Variants in ZNF582 observed in about 807,000 individuals in gnomAD.
The protein encoded by ZNF582 is zinc finger protein 582.
A neutral mutation model predicts 12.3 loss-of-function variants in ZNF582; 14 were observed. The observed-to-expected ratio is 1.14, with a 90% CI of 0.75 to 1.78. The LOEUF (loss-of-function observed/expected upper bound fraction) is 1.78, where lower values mean the gene tolerates loss of function less well. ZNF582 is among the 40% of genes most tolerant of loss of function. The pLI is 0.00. For missense variants in ZNF582, 567 were observed against 616.5 expected (o/e 0.92, Z 0.85); for synonymous variants, 210 against 207.2 (o/e 1.01, Z -0.11).
intron 1 of ZNF582, 100 bp downstream of exon 1, chr19:56,393,120 A>C: frequency 9.5e-7 from 1 of 1,050,546 alleles, no homozygotes; most frequent in Non-Finnish European, 1.3e-6. Context: ...AACCTCATGA[A>C]ACAAGATTTC....
chr19:56,383,752 A>G, exon 5 of ZNF582: 6 of 1,299,520 alleles, frequency 4.6e-6, no homozygotes, highest in Non-Finnish European at 6.1e-6. Context: ...CTTTGATATG[A>G]ATTTTCAGAC....
chr19:56,389,905 A>C, intron 4 of ZNF582, 96 bp downstream of exon 4: 7 of 928,272 alleles, frequency 7.5e-6, no homozygotes, highest in South Asian at 4.5e-5. Context: ...CTTTGAAGGT[A>C]GCAACCTGCA....
exon 5 of ZNF582, chr19:56,383,095 T>G (rs189339436): frequency 3.3e-5 from 5 of 152,306 alleles, no homozygotes; most frequent in Admixed American, 2.6e-4. Flanking sequence ...GCATCTGATA[T>G]TCTCAGAGTC....
exon 5 of ZNF582, chr19:56,384,560 T>A: frequency 1.2e-6 from 2 of 1,614,216 alleles, no homozygotes; most frequent in Non-Finnish European, 1.7e-6. Context: ...GCCACATTCC[T>A]TACACTGATA....
chr19:56,388,679 C>A (rs551064316), intron 4 of ZNF582, among the ~76,000 whole-genome samples: 1 of 152,130 alleles, frequency 6.6e-6, no homozygotes, highest in African/African-American at 2.4e-5. Flanking sequence ...GTTGCCCCAG[C>A]TGGAGCGCAG....
chr19:56,392,108 G>C (rs1391517596), intron 1 of ZNF582, among the ~76,000 whole-genome samples: 1 of 152,206 alleles, frequency 6.6e-6, no homozygotes, highest in Admixed American at 6.5e-5. Context: ...GGCTGTTCTA[G>C]TGACTGAGAC....
intron 4 of ZNF582, 95 bp from the exon 5 acceptor site, chr19:56,385,279 T>C: frequency 1.6e-6 from 2 of 1,273,594 alleles, no homozygotes; most frequent in Non-Finnish European, 2.1e-6. Flanking sequence ...CAATGCCTAT[T>C]AACTCTTGAA....
exon 5 of ZNF582, chr19:56,384,474 C>G: frequency 6.2e-7 from 1 of 1,604,238 alleles, no homozygotes. Context: ...TTCCCACATT[C>G]CTTGCATGCA....
intron 4 of ZNF582, chr19:56,388,264 A>C (rs1167361635): frequency 6.6e-6 from 1 of 152,374 alleles, no homozygotes; most frequent in African/African-American, 2.4e-5. Context: ...TTACAGGATA[A>C]AACAAGATTT....
At position 56,390,615 on chromosome 19, in the gene ZNF582, G is replaced by A; in HGVS notation, c.10-114C>T. 3 of 1,098,316 alleles carry A rather than the reference G, an allele frequency of 2.7e-6. No individual in the cohort carries two copies. The East Asian group carries it at 7.3e-5, about 27-fold the overall frequency. 68.0% of individuals were successfully genotyped at this position (1,098,316 alleles called of 1,614,324 possible). A position where few individuals can be genotyped will look rare whatever the true frequency, so the allele number is the denominator to read the frequency against. On this transcript the variant is annotated intron_variant, in intron 2 of 4. Transcript: ENST00000586929. Reference sequence around the variant, plus strand: ...GGTTGTTTTGTTGAACAAGAAGGGTGGGACTGAATGTGAAAGGTGACAGAA... The same window carrying A: ...GGTTGTTTTGTTGAACAAGAAGGGTAGGACTGAATGTGAAAGGTGACAGAA...
exon 5 of ZNF582, chr19:56,385,183 T>A (rs2041955481): frequency 1.3e-6 from 2 of 1,565,774 alleles, no homozygotes; most frequent in South Asian, 2.4e-5. Context: ...TGGACTCCAA[T>A]ACTAAGAATG....
At chr19:56,393,382 G>C (rs1315999157) in exon 1 of ZNF582, 1 of 731,956 alleles carries the variant, frequency 1.4e-6, no homozygotes, top group African/African-American at 1.8e-5. Context: ...AGACCCAACC[G>C]GCCCGGGCAC....
intron 4 of ZNF582, 106 bp from the exon 5 acceptor site, chr19:56,385,290 T>C: frequency 4.3e-6 from 5 of 1,158,180 alleles, no homozygotes; most frequent in Admixed American, 3.0e-5. Flanking sequence ...AACTCTTGAA[T>C]GTAGCTAAGC....
chr19:56,385,219 T>C, intron 4 of ZNF582, 35 bp from the exon 5 acceptor site: 1 of 1,492,978 alleles, frequency 6.7e-7, no homozygotes. Flanking sequence ...GTTTGGCTTC[T>C]TTTTTTTTCC....
At chr19:56,393,246 G>A in exon 1 of ZNF582, 1 of 1,250,972 alleles carries the variant, frequency 8.0e-7, no homozygotes, top group South Asian at 1.3e-5. Flanking sequence ...CCTGGGCTAT[G>A]AGGCTGGAAG....
rs912304445 is a variant in ZNF582, at chr19:56,385,272, T to G, written c.233-88A>C. Reference sequence around the variant, plus strand: ...TAAGAACTGGAGGGTTTAGACTCAATGCCTATTAACTCTTGAATGTAGCTA... The same window carrying G: ...TAAGAACTGGAGGGTTTAGACTCAAGGCCTATTAACTCTTGAATGTAGCTA... On this transcript the variant is annotated intron_variant, in intron 4 of 4. Coordinates refer to ENST00000586929, the Ensembl canonical transcript of ZNF582. 5 of 1,341,042 alleles carry G rather than the reference T, an allele frequency of 3.7e-6. No homozygotes were observed. In the African/African-American group the frequency reaches 7.3e-5, roughly 20 times the overall value. The allele number at this position is 1,341,042 out of a possible 1,614,324, so 83.1% of individuals were successfully genotyped here. A position where few individuals can be genotyped will look rare whatever the true frequency, so the allele number is the denominator to read the frequency against.
At chr19:56,391,806 G>C in exon 2 of ZNF582, 1 of 1,614,150 alleles carries the variant, frequency 6.2e-7, no homozygotes, top group Non-Finnish European at 8.5e-7. Context: ...CTCTCTTGGG[G>C]AAGGGCAGAG....
exon 5 of ZNF582, chr19:56,383,282 G>A (rs1382305401): frequency 6.6e-6 from 1 of 152,228 alleles, no homozygotes; most frequent in Non-Finnish European, 1.5e-5. Flanking sequence ...TGAGATTATT[G>A]TAAGATGGTC....
chr19:56,384,001 C>A, exon 5 of ZNF582: 2 of 1,614,022 alleles, frequency 1.2e-6, no homozygotes, highest in Non-Finnish European at 1.7e-6. Context: ...CTCTATTATG[C>A]ATTCTCTGAG....
Sources: gnomAD v4.1 joint callset for allele counts (sites outside exome capture counted in the v4.1 genomes callset) on GRCh38, gnomAD v4.1.1 for gene constraint, MANE v1.5 for transcripts, NCBI Gene and HGNC (gene_info 2026-07-23, HGNC 2026-07-21) for gene names.